TENM4: variants seen among roughly 807,000 people sequenced by gnomAD.
TENM4 encodes the protein teneurin-4.
TENM4 carries 82 observed loss-of-function variants against 243.3 expected under a neutral mutation model. That is an observed-to-expected ratio of 0.34 (90% CI 0.28 to 0.40). The LOEUF is 0.40. Among genes scored for constraint, TENM4 ranks in the 10% least tolerant of loss-of-function variants. TENM4 has a pLI of 1.00. For synonymous variants in TENM4, 1,412 were observed against 1,456.3 expected, an observed-to-expected ratio of 0.97 and a Z score of 0.69; for missense variants, 3,138 against 3,673.3, an observed-to-expected ratio of 0.85 and a Z score of 3.77.
intron 18 of TENM4, among the ~76,000 whole-genome samples, chr11:78,757,559 C>A (rs1043709992): frequency 6.6e-6 from 1 of 152,206 alleles, no homozygotes; most frequent in Non-Finnish European, 1.5e-5. Flanking sequence ...GGGAGCCAGA[C>A]AGGAGAAGAG....
rs542518135 is a variant in TENM4, at chr11:79,185,846, T to A, written c.-163+29962A>T. 1.4e-4 allele frequency among the ~76,000 whole-genome samples: 22 copies of A among 152,150 alleles called. 1 individual carries two copies. The South Asian group carries it at 3.9e-3, about 27-fold the overall frequency. Reference sequence around the variant, plus strand: ...TTCCTTCTGATATAGTTTCCTAAAATCTCCAGAAACATCTGCCAAAGAGGT... The same window carrying A: ...TTCCTTCTGATATAGTTTCCTAAAAACTCCAGAAACATCTGCCAAAGAGGT... On this transcript the variant is annotated intron_variant, in intron 3 of 33. Coordinates refer to ENST00000278550, the MANE Select transcript of TENM4 (RefSeq NM_001098816.3).
intron 2 of TENM4, among the ~76,000 whole-genome samples, chr11:79,234,518 C>A (rs1336312377): frequency 6.6e-6 from 1 of 152,174 alleles, no homozygotes; most frequent in Non-Finnish European, 1.5e-5. Context: ...CCAAGGGCTG[C>A]CCTCAGGCTG....
At position 79,061,357 on chromosome 11, in the gene TENM4, CAGA is replaced by C. The variant is rs1860080785; in HGVS notation, c.493+3378_493+3380del. On this transcript the variant is annotated intron_variant, in intron 6 of 33. Transcript: ENST00000278550. ...CCAGTCTTGGAAGGGATGTGGGAAA[CAGA>C]AGCCCTTTATTAGATTCATCTGCCT... Among the ~76,000 whole-genome samples the C allele has an allele frequency of 1.3e-5, 2 of 152,256 alleles. 1 individual carries two copies. The highest frequency in any genetic ancestry group is 4.1e-4 in the South Asian group (2 of 4,820).
chr11:78,939,770 ATTG>A (rs2136451085), intron 6 of TENM4, among the ~76,000 whole-genome samples: 1 of 152,318 alleles, frequency 6.6e-6, no homozygotes, highest in East Asian at 1.9e-4. Context: ...AATCACTGTT[ATTG>A]TTGTTAAAAA....
chr11:79,294,447 G>T (rs78393765), intron 2 of TENM4, among the ~76,000 whole-genome samples: 5,349 of 152,270 alleles, frequency 0.035, 322 homozygotes, highest in East Asian at 0.28. Context: ...ATGCAGGCTG[G>T]TTTTTAGCCT....
chr11:78,872,523 TTG>T (rs1473937271), intron 9 of TENM4, among the ~76,000 whole-genome samples: 2 of 152,184 alleles, frequency 1.3e-5, no homozygotes, highest in Non-Finnish European at 2.9e-5. Context: ...ATTCCTTTCT[TTG>T]TGGCCCTTGA....
chr11:79,142,736 T>A lies in TENM4; in HGVS notation c.-66+5974A>T, dbSNP rs150989202. Among the ~76,000 whole-genome samples the A allele has an allele frequency of 5.6e-3, 858 of 152,190 alleles. 12 individuals are homozygous for A. Among genetic ancestry groups the A allele is most frequent in the African/African-American group, 0.019 (806 of 41,544 alleles). On this transcript the variant is annotated intron_variant, in intron 4 of 33. Transcript: ENST00000278550. ...CACATTACCTGACTTCAAATTATACTACAGAGCTATAGTAACCAAAACAGC... is the reference window on the plus strand; with the variant it reads ...CACATTACCTGACTTCAAATTATACAACAGAGCTATAGTAACCAAAACAGC...
chr11:78,837,325 T>C (rs1464198659), intron 12 of TENM4, among the ~76,000 whole-genome samples: 3 of 152,204 alleles, frequency 2.0e-5, no homozygotes, highest in African/African-American at 7.2e-5. Context: ...AGGTAAGATG[T>C]GCTGTTTGCT....
At position 78,657,269 on chromosome 11, in the gene TENM4, C is replaced by A. The variant is rs1345090423; in HGVS notation, c.*789G>T. ...CTCCCGGGAGGATGGGACTCTGAGC[C>A]CAGGATGTTATGTCACTGGTCTGGG... is the stretch of plus-strand genomic sequence containing the variant. On this transcript the variant is annotated 3_prime_UTR_variant, in exon 34 of 34. Coordinates refer to ENST00000278550, the MANE Select transcript of TENM4 (RefSeq NM_001098816.3). 7.5e-6 allele frequency: 3 copies of A among 398,322 alleles called. No individual in the cohort carries two copies. The highest frequency in any genetic ancestry group is 1.3e-5 in the Non-Finnish European group (3 of 226,188). The allele number at this position is 398,322 out of a possible 1,614,324, so 24.7% of individuals were successfully genotyped here.
rs778787959 is a variant in TENM4, at chr11:78,891,240, G to A, written c.846C>T (p.Asp282=). 20 of 1,551,438 alleles carry A rather than the reference G, an allele frequency of 1.3e-5. No individual in the cohort carries two copies. The highest frequency in any genetic ancestry group is 3.6e-5 in the South Asian group (3 of 84,064). Residue 282 remains aspartate (D), a splice_region_variant and synonymous_variant, in exon 8 of 34, where the codon GAC becomes GAT. Coordinates refer to ENST00000278550, the MANE Select transcript of TENM4 (RefSeq NM_001098816.3). ...AGGAGAATGGGGATGTCACCTACCC[G>A]TCACTGTAAGCCCCATCATGGCGGG... is the stretch of plus-strand genomic sequence containing the variant. The part of the protein sequence containing the change: ...GASRHDGAYS[D]GHFLFKPGGT...
chr11:79,178,243 A>G (rs1172029445), intron 3 of TENM4, among the ~76,000 whole-genome samples: 1 of 152,170 alleles, frequency 6.6e-6, no homozygotes, highest in Non-Finnish European at 1.5e-5. Context: ...ATCAGGGAAC[A>G]GGCTTTGTGC....
At chr11:79,231,438 T>C (rs773817111) in intron 2 of TENM4, among the ~76,000 whole-genome samples, 1 of 152,156 alleles carries the variant, frequency 6.6e-6, no homozygotes, top group Non-Finnish European at 1.5e-5. Context: ...TCAGTGTGCA[T>C]TGAAGGCAGT....
chr11:79,370,779 TAAAAAAA>T (rs544196671), intron 1 of TENM4, among the ~76,000 whole-genome samples: 335 of 57,150 alleles, frequency 5.9e-3, no homozygotes, highest in Non-Finnish European at 8.2e-3. Flanking sequence ...ACTCCTATGG[TAAAAAAA>T]AAAAAAAAAA....
At chr11:79,315,461 G>C (rs1316013472) in intron 1 of TENM4, among the ~76,000 whole-genome samples, 1 of 152,188 alleles carries the variant, frequency 6.6e-6, no homozygotes, top group Non-Finnish European at 1.5e-5. Context: ...TCAAACACAG[G>C]GTGAGGCATA....
chr11:79,100,064 G>A (rs920974108), intron 4 of TENM4, among the ~76,000 whole-genome samples: 2 of 152,148 alleles, frequency 1.3e-5, no homozygotes, highest in Non-Finnish European at 2.9e-5. Flanking sequence ...ACTCTCAGGT[G>A]GAGGAGGGGA....
chr11:78,793,038 G>A (rs187489059), intron 15 of TENM4, among the ~76,000 whole-genome samples: 14 of 152,282 alleles, frequency 9.2e-5, no homozygotes, highest in African/African-American at 3.4e-4. Context: ...AGGAAAAGCT[G>A]CCCCAGGCTC....
chr11:79,198,687 T>A (rs1650163284), intron 3 of TENM4, among the ~76,000 whole-genome samples: 1 of 152,196 alleles, frequency 6.6e-6, no homozygotes, highest in Admixed American at 6.5e-5. Flanking sequence ...CCTGCTTCCA[T>A]GCACTTAATT....
At chr11:78,852,403 G>T (rs1214281794) in intron 12 of TENM4, among the ~76,000 whole-genome samples, 1 of 152,194 alleles carries the variant, frequency 6.6e-6, no homozygotes, top group Non-Finnish European at 1.5e-5. Flanking sequence ...AAGAACCAGG[G>T]GCTGGGCATG....
intron 9 of TENM4, among the ~76,000 whole-genome samples, chr11:78,884,484 G>T (rs1855507537): frequency 6.6e-6 from 1 of 152,250 alleles, no homozygotes; most frequent in Admixed American, 6.5e-5. Context: ...AGCATAGTTG[G>T]CTGAAAGCAT....
Sources: gnomAD v4.1 joint callset for allele counts (sites outside exome capture counted in the v4.1 genomes callset) on GRCh38, gnomAD v4.1.1 for gene constraint, MANE v1.5 for transcripts, NCBI Gene and HGNC (gene_info 2026-07-23, HGNC 2026-07-21) for gene names.